DIP2C: variants seen among roughly 807,000 people sequenced by gnomAD.
DIP2C encodes disco-interacting protein 2 homolog C.
A neutral mutation model predicts 192.4 loss-of-function variants in DIP2C; 33 were observed. That is an observed-to-expected ratio of 0.17 (90% CI 0.13 to 0.23). The LOEUF (loss-of-function observed/expected upper bound fraction) is 0.23. Ranked by LOEUF, DIP2C falls within the 10% of genes least tolerant of loss-of-function variation. The pLI is 1.00. For synonymous variants in DIP2C, 979 were observed against 864.1 expected, an observed-to-expected ratio of 1.13 and a Z score of -2.33; for missense variants, 1,537 against 2,110.1, an observed-to-expected ratio of 0.73 and a Z score of 5.32.
intron 1 of DIP2C, among the ~76,000 whole-genome samples, chr10:686,834 G>A (rs1344051235): frequency 6.6e-6 from 1 of 152,264 alleles, no homozygotes; most frequent in East Asian, 1.9e-4. Flanking sequence ...GCGCCCAGCA[G>A]GCGGGCACAG....
chr10:435,012 G>A (rs1967062290), intron 4 of DIP2C, among the ~76,000 whole-genome samples: 1 of 152,174 alleles, frequency 6.6e-6, no homozygotes, highest in Non-Finnish European at 1.5e-5. Context: ...GGAGCTTCCT[G>A]AATCTATGGT....
chr10:575,361 A>C (rs1850085942), intron 1 of DIP2C, among the ~76,000 whole-genome samples: 1 of 152,208 alleles, frequency 6.6e-6, no homozygotes, highest in Non-Finnish European at 1.5e-5. Flanking sequence ...AAATGAAGGG[A>C]CTGGTAAACT....
rs867309516 is a variant in DIP2C, at chr10:689,387, C to G, written c.85+107G>C. 6.5e-6 allele frequency: 4 copies of G among 616,200 alleles called. No individual in the cohort carries two copies. Among genetic ancestry groups the G allele is most frequent in the Admixed American group, 6.2e-5 (1 of 16,126 alleles). 38.2% of individuals were successfully genotyped at this position (616,200 alleles called of 1,614,324 possible). A position where few individuals can be genotyped will look rare whatever the true frequency, so the allele number is the denominator to read the frequency against. On this transcript the variant is annotated intron_variant, in intron 1 of 36. Transcript: ENST00000280886. The surrounding 1 kb of genome is among the most constrained non-coding windows in gnomAD (Gnocchi z 6.1). Reference sequence around the variant, plus strand: ...GCTCCGGGCTGGGGTCGCACCTCCCCCTCCGGGCCCGGCCCCCGCCCCGCC... The same window carrying G: ...GCTCCGGGCTGGGGTCGCACCTCCCGCTCCGGGCCCGGCCCCCGCCCCGCC...
intron 1 of DIP2C, among the ~76,000 whole-genome samples, chr10:549,688 C>T (rs919180757): frequency 1.5e-4 from 23 of 152,174 alleles, no homozygotes; most frequent in African/African-American, 5.1e-4. Flanking sequence ...CTGGAGGCAG[C>T]GGGACAAGCC....
At chr10:353,574 T>C (rs1412908239) in intron 24 of DIP2C, among the ~76,000 whole-genome samples, 1 of 152,148 alleles carries the variant, frequency 6.6e-6, no homozygotes, top group African/African-American at 2.4e-5. Context: ...TGTATTTTAG[T>C]AGAGACGGGG....
chr10:568,506 G>C (rs986072057), intron 1 of DIP2C, among the ~76,000 whole-genome samples: 2 of 152,032 alleles, frequency 1.3e-5, no homozygotes, highest in African/African-American at 2.4e-5. Flanking sequence ...GGTGGCTCAC[G>C]CCTGTAATCC....
intron 1 of DIP2C, chr10:663,693 C>G (rs540028917): frequency 6.6e-6 from 1 of 152,380 alleles, no homozygotes; most frequent in East Asian, 1.9e-4. Flanking sequence ...ACTCGAAGGT[C>G]CACATCCAGG....
At chr10:522,716 A>C (rs1242165413) in intron 1 of DIP2C, among the ~76,000 whole-genome samples, 2 of 152,170 alleles carry the variant, frequency 1.3e-5, no homozygotes, top group Admixed American at 1.3e-4. Context: ...CCATTTTTTC[A>C]TCAGGTGGTT....
At chr10:591,968 C>A (rs957962648) in intron 1 of DIP2C, among the ~76,000 whole-genome samples, 116 of 152,294 alleles carry the variant, frequency 7.6e-4, no homozygotes, top group African/African-American at 2.5e-3. Context: ...AAGAACGATG[C>A]GAGTCTAAGT....
chr10:316,793 A>C (rs1032395949), intron 31 of DIP2C, among the ~76,000 whole-genome samples: 15 of 152,214 alleles, frequency 9.9e-5, no homozygotes, highest in Admixed American at 9.2e-4. Flanking sequence ...TCTACCTTGC[A>C]AATAACATAC....
chr10:647,174 G>T (rs1324645395), intron 1 of DIP2C, among the ~76,000 whole-genome samples: 1 of 149,966 alleles, frequency 6.7e-6, no homozygotes, highest in Non-Finnish European at 1.5e-5. Context: ...CATCCACATT[G>T]GACGGTGGGA....
At chr10:556,685 A>AT (rs1365962221) in intron 1 of DIP2C, among the ~76,000 whole-genome samples, 1 of 151,820 alleles carries the variant, frequency 6.6e-6, no homozygotes, top group Non-Finnish European at 1.5e-5. Flanking sequence ...CCACACTTCC[A>AT]TTTCAGGATA....
chr10:656,068 TATA>T (rs1370347226), intron 1 of DIP2C, among the ~76,000 whole-genome samples: 2 of 149,384 alleles, frequency 1.3e-5, no homozygotes, highest in African/African-American at 2.5e-5. Flanking sequence ...ATACTATATA[TATA>T]ATGTTACACT....
intron 1 of DIP2C, among the ~76,000 whole-genome samples, chr10:563,890 T>C (rs944108531): frequency 1.3e-5 from 2 of 152,196 alleles, no homozygotes; most frequent in African/African-American, 4.8e-5. Context: ...TTTTCCTTAG[T>C]TCTTAATGTG....
In DIP2C at chr10:283,433, C is replaced by T. The variant is rs1333731869; in HGVS notation, c.4133G>A (p.Ser1378Asn). The change falls in exon 35 of 37, where the codon AGT (serine) becomes AAT (asparagine). Residue 1378 changes from serine to asparagine, a missense_variant. By Grantham distance (46) the Ser-to-Asn change is conservative. Around this residue, in one of 4 missense-constraint regions of DIP2C, gnomAD observed 341 missense variants for 551.7 expected, o/e 0.62. Transcript: ENST00000280886. Reference sequence around the variant, plus strand: ...GAAATAACCGCTGGCATTGTGGGCACTGTGAACCCAAATCTGCAAACGGAG... The same window carrying T: ...GAAATAACCGCTGGCATTGTGGGCATTGTGAACCCAAATCTGCAAACGGAG... ...DSHLGEIWVH[S>N]AHNASGYFTI... is the part of the protein sequence containing the mutation. 8 of 1,614,018 alleles carry T rather than the reference C, an allele frequency of 5.0e-6. No homozygotes were observed. Among genetic ancestry groups the T allele is most frequent in the Admixed American group, 1.7e-5 (1 of 59,982 alleles).
intron 9 of DIP2C, among the ~76,000 whole-genome samples, chr10:406,922 C>T (rs1589721527): frequency 6.6e-6 from 1 of 152,072 alleles, no homozygotes; most frequent in South Asian, 2.1e-4. Flanking sequence ...TCTGCGAACC[C>T]ACCCAGGAAC....
intron 1 of DIP2C, among the ~76,000 whole-genome samples, chr10:576,852 G>C (rs1031578926): frequency 5.3e-5 from 8 of 152,082 alleles, no homozygotes; most frequent in Non-Finnish European, 1.2e-4. Context: ...GGAGGTTGTA[G>C]TGAACCAAGA....
chr10:475,293 A>C (rs1970971953), intron 2 of DIP2C, among the ~76,000 whole-genome samples: 1 of 152,228 alleles, frequency 6.6e-6, no homozygotes, highest in African/African-American at 2.4e-5. Context: ...ATGATGAACC[A>C]CAAATTTCTC....
At chr10:614,535 C>G (rs1055082533) in intron 1 of DIP2C, among the ~76,000 whole-genome samples, 1 of 152,214 alleles carries the variant, frequency 6.6e-6, no homozygotes, top group African/African-American at 2.4e-5. Context: ...GCCCTCACCA[C>G]AGGCACAGCC....
Sources: allele counts gnomAD v4.1 joint callset (sites outside exome capture counted in the v4.1 genomes callset), GRCh38; gene constraint gnomAD v4.1.1; regional missense constraint gnomAD v4.1.1; non-coding constraint Gnocchi (gnomAD v3.1); transcripts MANE v1.5; gene names NCBI Gene and HGNC (gene_info 2026-07-23, HGNC 2026-07-21).